Variants in CBFB observed in about 807,000 individuals in gnomAD.
The protein encoded by CBFB is CBF-beta.
A neutral mutation model predicts 30.4 loss-of-function variants in CBFB; 9 were observed. That is an observed-to-expected ratio of 0.30 (90% CI 0.18 to 0.52). CBFB has a LOEUF of 0.52. Among genes scored for constraint, CBFB ranks in the 20% least tolerant of loss-of-function variants. CBFB has a pLI of 0.97. For synonymous variants in CBFB, 94 were observed against 84.0 expected, an observed-to-expected ratio of 1.12 and a Z score of -0.65; for missense variants, 170 against 244.0, an observed-to-expected ratio of 0.70 and a Z score of 2.02.
chr16:67,056,454 T>G (rs746313922), intron 3 of CBFB, among the ~76,000 whole-genome samples: 5 of 152,194 alleles, frequency 3.3e-5, no homozygotes, highest in Admixed American at 6.5e-5. Flanking sequence ...GAACAGTGGT[T>G]TAGTGTTCAC....
At chr16:67,081,019 C>T (rs1251111735) in intron 4 of CBFB, among the ~76,000 whole-genome samples, 2 of 151,884 alleles carry the variant, frequency 1.3e-5, no homozygotes. Context: ...GGTACGTGTA[C>T]ACAATGTGCA....
chr16:67,064,012 C>T (rs1331668535), intron 3 of CBFB, among the ~76,000 whole-genome samples: 1 of 152,062 alleles, frequency 6.6e-6, no homozygotes, highest in Admixed American at 6.6e-5. Context: ...AAAGGAAATA[C>T]ATTTGGTGCA....
chr16:67,029,886 A>G (rs890551900), intron 2 of CBFB, 73 bp downstream of exon 2: 5 of 1,021,550 alleles, frequency 4.9e-6, no homozygotes, highest in Non-Finnish European at 6.7e-6. Flanking sequence ...CCGGTTCCGG[A>G]CGGCGGCGCG....
intron 3 of CBFB, among the ~76,000 whole-genome samples, chr16:67,062,139 G>C (rs912047542): frequency 1.3e-5 from 2 of 151,924 alleles, no homozygotes; most frequent in African/African-American, 2.4e-5. Context: ...AGTAATAAAT[G>C]GGCTTTTAAA....
chr16:67,033,878 A>G lies in CBFB; in HGVS notation c.166-2761A>G, dbSNP rs1357298453. ...GCACTGTCGGCTAGGCTGGAGTGCA[A>G]TGGCACGATCTTGGCTCTCGGCTCA... On this transcript the variant is annotated intron_variant, in intron 2 of 5. Coordinates refer to ENST00000412916, the MANE Select transcript of CBFB (RefSeq NM_022845.3). Among the ~76,000 whole-genome samples the G allele has an allele frequency of 6.6e-5, 9 of 135,732 alleles. No individual in the cohort carries two copies. In the Admixed American group the frequency reaches 6.8e-4, roughly 10 times the overall value. The allele number at this position is 135,732 out of a possible 152,430, so 89.0% of individuals were successfully genotyped here.
chr16:67,082,158 A>G (rs1961577114), intron 4 of CBFB, 55 bp from the exon 5 acceptor site: 1 of 1,319,614 alleles, frequency 7.6e-7, no homozygotes. Flanking sequence ...AAACCCAAAT[A>G]TTGTATTTTT....
chr16:67,047,714 C>T (rs899784558), intron 3 of CBFB, among the ~76,000 whole-genome samples: 1 of 152,060 alleles, frequency 6.6e-6, no homozygotes, highest in Non-Finnish European at 1.5e-5. Context: ...TATTTATTCA[C>T]ACCAGCTTTT....
chr16:67,051,511 T>G (rs945385447), intron 3 of CBFB, among the ~76,000 whole-genome samples: 1 of 151,960 alleles, frequency 6.6e-6, no homozygotes, highest in Non-Finnish European at 1.5e-5. Context: ...CATACATATA[T>G]GGATCCAGTT....
At chr16:67,047,407 C>G (rs886948838) in intron 3 of CBFB, among the ~76,000 whole-genome samples, 5 of 152,096 alleles carry the variant, frequency 3.3e-5, no homozygotes, top group African/African-American at 9.7e-5. Flanking sequence ...GATGAAAAAC[C>G]TTTTACCCAT....
At chr16:67,039,772 GTC>G (rs1966500774) in intron 3 of CBFB, among the ~76,000 whole-genome samples, 1 of 152,068 alleles carries the variant, frequency 6.6e-6, no homozygotes, top group Non-Finnish European at 1.5e-5. Flanking sequence ...CAGGCTTTCA[GTC>G]TCTGTCACAA....
chr16:67,079,479 A>G (rs1439230053), intron 4 of CBFB, among the ~76,000 whole-genome samples: 1 of 149,836 alleles, frequency 6.7e-6, no homozygotes, highest in Non-Finnish European at 1.5e-5. Context: ...GGCCTGGTAT[A>G]GCAAGCACTT....
chr16:67,032,785 A>G (rs1567602491), intron 2 of CBFB, among the ~76,000 whole-genome samples: 2 of 152,366 alleles, frequency 1.3e-5, no homozygotes, highest in South Asian at 2.1e-4. Context: ...GACAGCAGCC[A>G]TAAATGGCAA....
At chr16:67,095,116 A>G (rs1298369003) in intron 5 of CBFB, among the ~76,000 whole-genome samples, 1 of 149,658 alleles carries the variant, frequency 6.7e-6, no homozygotes, top group African/African-American at 2.5e-5. Flanking sequence ...AGGCTGAGGC[A>G]CGAGAATTGT....
Position 67,029,804 on chromosome 16 carries a change from C to T in CBFB, c.156C>T (p.Arg52=), listed in dbSNP as rs1362189736. The change falls in exon 2 of 6, where the codon CGC becomes CGT. Residue 52 remains arginine, a synonymous_variant. Transcript: ENST00000412916. Reference sequence around the variant, plus strand: ...TCCAGAACGCCTGCCGCGACGGCCGCTCGGAAATCGTAAGTCGGCTGGCCC... The same window carrying T: ...TCCAGAACGCCTGCCGCGACGGCCGTTCGGAAATCGTAAGTCGGCTGGCCC... ...ARFQNACRDG[R]SEIAFVATGT... is the part of the protein sequence containing the mutation. The T allele has an allele frequency of 1.9e-6, 3 of 1,586,272 alleles. No homozygotes were observed. The highest frequency in any genetic ancestry group is 2.3e-5 in the South Asian group (2 of 88,164).
chr16:67,059,520 C>T (rs908591449), intron 3 of CBFB, among the ~76,000 whole-genome samples: 1 of 152,120 alleles, frequency 6.6e-6, no homozygotes, highest in South Asian at 2.1e-4. Context: ...TTTTGCGCAG[C>T]GACGTTTCTG....
intron 2 of CBFB, 59 bp downstream of exon 2, chr16:67,029,872 C>G (rs929326299): frequency 8.0e-7 from 1 of 1,251,052 alleles, no homozygotes; most frequent in Non-Finnish European, 1.1e-6. Flanking sequence ...CGCGGCGGCC[C>G]AGGCCGGTTC....
chr16:67,077,084 A>G (rs1466786547), intron 4 of CBFB, among the ~76,000 whole-genome samples: 2 of 152,208 alleles, frequency 1.3e-5, no homozygotes, highest in Non-Finnish European at 2.9e-5. Flanking sequence ...GTAGATTTCT[A>G]ATTCAATGAG....
chr16:67,087,469 C>T (rs942535371), intron 5 of CBFB, among the ~76,000 whole-genome samples: 1 of 151,462 alleles, frequency 6.6e-6, no homozygotes, highest in Non-Finnish European at 1.5e-5. Flanking sequence ...GTGGGAGGAT[C>T]GCTTGAGCCC....
intron 3 of CBFB, among the ~76,000 whole-genome samples, chr16:67,047,747 C>T (rs1304865050): frequency 3.9e-5 from 6 of 152,046 alleles, no homozygotes; most frequent in African/African-American, 1.2e-4. Flanking sequence ...TCTATCCATC[C>T]CTTTGCTATC....
Sources: gnomAD v4.1 joint callset for allele counts (sites outside exome capture counted in the v4.1 genomes callset) on GRCh38, gnomAD v4.1.1 for gene constraint, MANE v1.5 for transcripts, NCBI Gene and HGNC (gene_info 2026-07-23, HGNC 2026-07-21) for gene names.